ADGRE1: variants seen among roughly 807,000 people sequenced by gnomAD.
ADGRE1 encodes the protein adhesion G protein-coupled receptor E1, also known as EGF-like module receptor 1.
A neutral mutation model predicts 102.7 loss-of-function variants in ADGRE1; 82 were observed. The observed-to-expected ratio is 0.80, with a 90% CI of 0.67 to 0.96. ADGRE1 has a LOEUF of 0.96. Among genes scored for constraint, ADGRE1 ranks in the 40% least tolerant of loss-of-function variants. The pLI is 0.00. For synonymous variants in ADGRE1, 398 were observed against 399.6 expected (o/e 1.00, Z 0.05); for missense variants, 1,032 against 1,085.3 (o/e 0.95, Z 0.69).
chr19:6,920,137 A>G (rs1568354767), intron 13 of ADGRE1, among the ~76,000 whole-genome samples: 2 of 152,008 alleles, frequency 1.3e-5, no homozygotes, highest in Admixed American at 6.6e-5. Flanking sequence ...CAATGAAGTG[A>G]TGCAGGGAGG....
chr19:6,898,159 G>A, intron 5 of ADGRE1: 1 of 649,338 alleles, frequency 1.5e-6, no homozygotes, highest in Non-Finnish European at 2.6e-6. Context: ...TCAGATTCAA[G>A]ATGGGGACGT....
intron 17 of ADGRE1, among the ~76,000 whole-genome samples, chr19:6,933,170 G>A (rs540537790): frequency 2.6e-5 from 4 of 152,256 alleles, no homozygotes; most frequent in South Asian, 2.1e-4. Context: ...ACTGTGAGCC[G>A]AGGTTGCGCC....
At chr19:6,921,580 C>A (rs1974667440) in intron 13 of ADGRE1, 133 bp from the exon 14 acceptor site, 4 of 1,042,044 alleles carry the variant, frequency 3.8e-6, no homozygotes, top group Non-Finnish European at 5.3e-6. Flanking sequence ...GAAATACCAG[C>A]ATTTTTCCCC....
rs11666741 is a variant in ADGRE1 at position 6,935,022 on chromosome 19, C to A, written c.2325C>A (p.Ile775=). ...TTCTCCTGACCTGGACCTTGTGGAT[C>A]CTGAGGCAGAGGCTTTCCAGTGTTA... ...NSLLLTWTLW[I]LRQRLSSVNA... Residue 775 remains isoleucine, a synonymous_variant, in exon 18 of 21, where the codon ATC becomes ATA. Coordinates refer to ENST00000312053, the MANE Select transcript of ADGRE1 (RefSeq NM_001974.5). The A allele has an allele frequency of 0.016, 25,409 of 1,597,750 alleles. 257 individuals carry two copies. Among genetic ancestry groups the A allele is most frequent in the Non-Finnish European group, 0.018 (21,350 of 1,171,386 alleles).
intron 10 of ADGRE1, among the ~76,000 whole-genome samples, chr19:6,909,061 G>A (rs1039905598): frequency 6.6e-6 from 1 of 151,688 alleles, no homozygotes; most frequent in African/African-American, 2.4e-5. Flanking sequence ...TTGAACCCGG[G>A]AGGTGGAGGT....
In ADGRE1 at chr19:6,896,317, C is replaced by T. The variant is rs919817142; in HGVS notation, c.95-81C>T. 5.6e-6 allele frequency: 8 copies of T among 1,434,522 alleles called. No individual in the cohort carries two copies. The Admixed American group carries it at 1.4e-4, about 25-fold the overall frequency. The allele number at this position is 1,434,522 out of a possible 1,614,324, so 88.9% of individuals were successfully genotyped here. ...ACAATCCAACCCATAACAGTCACCT[C>T]CACCCTTGTATGCTGGGTTCCCTTG... On this transcript the variant is annotated intron_variant, in intron 2 of 20. Transcript: ENST00000312053.
intron 3 of ADGRE1, 82 bp downstream of exon 3, chr19:6,896,623 C>T (rs1439004503): frequency 6.8e-7 from 1 of 1,461,200 alleles, no homozygotes; most frequent in Non-Finnish European, 9.2e-7. Flanking sequence ...TGTAGGTACT[C>T]CCCCACCCCC....
At position 6,917,690 on chromosome 19, in the gene ADGRE1, A is replaced by G. The variant is rs539061008; in HGVS notation, c.1420+1322A>G. Among the ~76,000 whole-genome samples the G allele has an allele frequency of 1.2e-4, 18 of 148,784 alleles. 1 individual carries two copies. Among genetic ancestry groups the G allele is most frequent in the Admixed American group, 1.0e-3 (15 of 14,494 alleles). ...GGGAGGTGGAGGCTGCAGTGAGCTG[A>G]GATCGCGCCACTGCACTCCAGCCTG... On this transcript the variant is annotated intron_variant, in intron 12 of 20. Coordinates refer to ENST00000312053, the MANE Select transcript of ADGRE1 (RefSeq NM_001974.5).
At chr19:6,912,109 C>T (rs1010741572) in intron 10 of ADGRE1, among the ~76,000 whole-genome samples, 2 of 149,758 alleles carry the variant, frequency 1.3e-5, no homozygotes, top group African/African-American at 5.1e-5. Context: ...CACACGTATA[C>T]ATACATATAC....
intron 16 of ADGRE1, 65 bp from the exon 17 acceptor site, chr19:6,928,080 G>C (rs768272311): frequency 3.2e-6 from 5 of 1,549,966 alleles, no homozygotes; most frequent in East Asian, 2.3e-5. Context: ...CATTTGTTGG[G>C]ACAGGGTTAA....
intron 1 of ADGRE1, among the ~76,000 whole-genome samples, chr19:6,889,209 TGA>T (rs768476645): frequency 2.0e-5 from 3 of 151,340 alleles, no homozygotes; most frequent in Non-Finnish European, 2.9e-5. Flanking sequence ...ATTATGGTGG[TGA>T]TGATGATGAT....
rs1973867445 is a variant in ADGRE1 at position 6,904,157 on chromosome 19, G to GA, written c.927dup (p.Asp310ArgfsTer14). ...TTCATCCCAATCCAGAAGGCTCCCAGAAAGATGGCAACTTCAGCTGCCAAA... is the reference window on the plus strand; with the variant it reads ...TTCATCCCAATCCAGAAGGCTCCCAGAAAAGATGGCAACTTCAGCTGCCAAA... On this transcript the variant is annotated frameshift_variant, in exon 8 of 21. Coordinates refer to ENST00000312053, the MANE Select transcript of ADGRE1 (RefSeq NM_001974.5). LOFTEE classifies it high-confidence loss of function. 5.0e-6 allele frequency: 8 copies of GA among 1,614,132 alleles called. No homozygotes were observed. The highest frequency in any genetic ancestry group is 1.7e-4 in the Middle Eastern group (1 of 6,060).
In ADGRE1 at chr19:6,911,118, G is replaced by A. The variant is rs1365771081; in HGVS notation, c.1122+2346G>A. Among the ~76,000 whole-genome samples, 3 of 152,122 alleles carry A rather than the reference G, an allele frequency of 2.0e-5. No homozygotes were observed. In the East Asian group the frequency reaches 5.8e-4, roughly 29 times the overall value. On this transcript the variant is annotated intron_variant, in intron 10 of 20. Transcript: ENST00000312053. Reference sequence around the variant, plus strand: ...AGATGGTCCTAGTTGAGATGTTTCTGCTATGTCAGTGGGGAGGGGAGTCCC... The same window carrying A: ...AGATGGTCCTAGTTGAGATGTTTCTACTATGTCAGTGGGGAGGGGAGTCCC...
chr19:6,897,368 G>A, intron 4 of ADGRE1, 60 bp from the exon 5 acceptor site: 4 of 1,607,556 alleles, frequency 2.5e-6, no homozygotes, highest in Admixed American at 1.7e-5. Context: ...GTGAGTTCAT[G>A]TATTTCTGAA....
At position 6,908,691 on chromosome 19, in the gene ADGRE1, CTCCTTTTGTGCACAAATAAA is replaced by C; in HGVS notation, c.1043_1062del (p.Ser348Ter). ...TTTTTTTTTTTTCTGGGACGCAGGTCTCCTTTTGTGCACAAATAAATAACATCTTCAGCGTTCTGGACAAA... is the reference window on the plus strand; with the variant it reads ...TTTTTTTTTTTTCTGGGACGCAGGTCTAACATCTTCAGCGTTCTGGACAAA... On this transcript the variant is annotated frameshift_variant, in exon 10 of 21. Coordinates refer to ENST00000312053, the MANE Select transcript of ADGRE1 (RefSeq NM_001974.5). LOFTEE classifies it high-confidence loss of function. The C allele has an allele frequency of 6.4e-7, 1 of 1,570,836 alleles. No individual in the cohort carries two copies. The highest frequency in any genetic ancestry group is 2.0e-5 in the Admixed American group (1 of 50,156).
intron 15 of ADGRE1, 75 bp from the exon 16 acceptor site, chr19:6,926,291 G>GTC: frequency 6.6e-7 from 1 of 1,511,910 alleles, no homozygotes; most frequent in Non-Finnish European, 9.0e-7. Flanking sequence ...CAGCCGAGGA[G>GTC]TCTCTCTCTT....
chr19:6,918,841 C>T lies in ADGRE1; in HGVS notation c.1421-707C>T, dbSNP rs192908974. Among the ~76,000 whole-genome samples, 569 of 152,100 alleles carry T rather than the reference C, an allele frequency of 3.7e-3. 5 individuals carry two copies. Among genetic ancestry groups the T allele is most frequent in the African/African-American group, 0.012 (497 of 41,478 alleles). Reference sequence around the variant, plus strand: ...CCAGGTTCAAGCGATTGTCGTACCTCGGCCTCCCGAGTAGCTGGGACTACA... The same window carrying T: ...CCAGGTTCAAGCGATTGTCGTACCTTGGCCTCCCGAGTAGCTGGGACTACA... On this transcript the variant is annotated intron_variant, in intron 12 of 20. Coordinates refer to ENST00000312053, the MANE Select transcript of ADGRE1 (RefSeq NM_001974.5).
chr19:6,922,876 G>C (rs1241263481), intron 14 of ADGRE1, among the ~76,000 whole-genome samples: 2 of 152,030 alleles, frequency 1.3e-5, no homozygotes, highest in Non-Finnish European at 2.9e-5. Flanking sequence ...AGGAGATCGA[G>C]ACCATCCTGG....
At chr19:6,929,819 C>T (rs926446290) in intron 17 of ADGRE1, among the ~76,000 whole-genome samples, 1 of 152,080 alleles carries the variant, frequency 6.6e-6, no homozygotes, top group African/African-American at 2.4e-5. Context: ...CTATGACCAG[C>T]TAATTTTTGT....
Sources: allele counts gnomAD v4.1 joint callset (sites outside exome capture counted in the v4.1 genomes callset), GRCh38; gene constraint gnomAD v4.1.1; transcripts MANE v1.5; gene names NCBI Gene and HGNC (gene_info 2026-07-23, HGNC 2026-07-21).